The following MTREX variants were observed in gnomAD, a reference collection of about 807,000 sequenced individuals.
The protein encoded by MTREX is Mtr4 exosome RNA helicase.
In MTREX, 76 loss-of-function variants were observed where a neutral mutation model predicts 135.4. The observed-to-expected ratio is 0.56, with a 90% confidence interval of 0.47 to 0.68. MTREX has a LOEUF of 0.68. MTREX is among the 30% of genes least tolerant of loss of function. The pLI, the probability that MTREX is intolerant of heterozygous loss-of-function variation, is 0.00. For synonymous variants in MTREX, 404 were observed against 401.6 expected, an observed-to-expected ratio of 1.01 and a Z score of -0.07; for missense variants, 920 against 1,262.1, an observed-to-expected ratio of 0.73 and a Z score of 4.11.
At chr5:55,329,318 A>C (rs1446279814) in intron 5 of MTREX, 3 of 151,420 alleles carry the variant, frequency 2.0e-5, no homozygotes. Flanking sequence ...AGCGTGCACC[A>C]TCACACCTGG....
chr5:55,423,858 C>T (rs1751098134), intron 26 of MTREX: 1 of 152,192 alleles, frequency 6.6e-6, no homozygotes, highest in African/African-American at 2.4e-5. Flanking sequence ...CTGCAAACAA[C>T]TTAGTGTCCT....
At chr5:55,364,764 T>C (rs1350023213) in intron 15 of MTREX, among the ~76,000 whole-genome samples, 1 of 152,074 alleles carries the variant, frequency 6.6e-6, no homozygotes, top group Non-Finnish European at 1.5e-5. Context: ...ATTGAGTAAA[T>C]AGTCTGCAAT....
chr5:55,392,534 C>A (rs1750586315), intron 19 of MTREX, among the ~76,000 whole-genome samples: 2 of 110,974 alleles, frequency 1.8e-5, no homozygotes, highest in African/African-American at 7.6e-5. Flanking sequence ...CAGAGAAGGG[C>A]TCTGTCTAAA....
At chr5:55,391,275 G>T (rs775358490) in intron 19 of MTREX, among the ~76,000 whole-genome samples, 1 of 151,830 alleles carries the variant, frequency 6.6e-6, no homozygotes, top group African/African-American at 2.4e-5. Flanking sequence ...AACCCTGTCT[G>T]TACAAAAATA....
chr5:55,373,116 ATTTC>A (rs1163639384), intron 16 of MTREX, among the ~76,000 whole-genome samples: 1 of 139,168 alleles, frequency 7.2e-6, no homozygotes, highest in African/African-American at 2.7e-5. Context: ...TTTTATTTTT[ATTTC>A]TTTTTTTTTT....
intron 11 of MTREX, among the ~76,000 whole-genome samples, chr5:55,349,214 T>C (rs1222663510): frequency 1.4e-5 from 2 of 143,818 alleles, no homozygotes; most frequent in Non-Finnish European, 3.0e-5. Context: ...TGAGATGGGG[T>C]CTCACTCTGT....
chr5:55,423,145 A>G (rs1751081907), intron 26 of MTREX, 163 bp downstream of exon 26: 2 of 605,012 alleles, frequency 3.3e-6, no homozygotes, highest in East Asian at 2.8e-5. Flanking sequence ...TGTTGGGGGA[A>G]AAGTTGAGAT....
intron 19 of MTREX, among the ~76,000 whole-genome samples, chr5:55,395,336 G>A (rs886140511): frequency 6.6e-6 from 1 of 151,944 alleles, no homozygotes; most frequent in Non-Finnish European, 1.5e-5. Flanking sequence ...AACCCGGGAG[G>A]TAGAGATTTC....
intron 25 of MTREX, among the ~76,000 whole-genome samples, chr5:55,419,877 T>C (rs770857848): frequency 1.3e-5 from 2 of 152,082 alleles, no homozygotes; most frequent in Non-Finnish European, 2.9e-5. Flanking sequence ...CCACACACAT[T>C]CTCTCACATG....
intron 14 of MTREX, among the ~76,000 whole-genome samples, chr5:55,353,512 G>T (rs1223473212): frequency 6.6e-6 from 1 of 152,080 alleles, no homozygotes; most frequent in African/African-American, 2.4e-5. Context: ...AGACCAGCCT[G>T]GGCAACATAG....
chr5:55,327,033 A>G (rs1349359530), intron 3 of MTREX, among the ~76,000 whole-genome samples: 2 of 152,154 alleles, frequency 1.3e-5, no homozygotes, highest in African/African-American at 2.4e-5. Context: ...GAACTCATCA[A>G]CTTTTATGGC....
intron 1 of MTREX, among the ~76,000 whole-genome samples, chr5:55,321,860 G>A (rs191220105): frequency 8.6e-5 from 13 of 151,992 alleles, no homozygotes; most frequent in Admixed American, 5.2e-4. Context: ...CATCCACCTC[G>A]GCCTCCCAAA....
rs1327510591 is a variant in MTREX at position 55,345,129 on chromosome 5, G to A, written c.1041G>A (p.Met347Ile). 3 of 1,613,508 alleles carry A rather than the reference G, an allele frequency of 1.9e-6. No individual in the cohort carries two copies. Among genetic ancestry groups the A allele is most frequent in the Non-Finnish European group, 1.7e-6 (2 of 1,179,766 alleles). ...GAGAAGATAATTTTAATACTGCAAT[G>A]CAAGTGCTTCGAGATGCAGGTGATT... The part of the protein sequence containing the change: ...DFREDNFNTA[M>I]QVLRDAGDLA... Residue 347 changes from methionine to isoleucine, a missense_variant, in exon 10 of 27, where the codon ATG becomes ATA. Physicochemically the swap from Met to Ile is conservative, Grantham distance 10. This residue lies in a region of MTREX where 88 missense variants were observed against 202.5 expected (regional missense o/e 0.43). Transcript: ENST00000230640.
chr5:55,313,928 T>A (rs1040009549), intron 1 of MTREX, among the ~76,000 whole-genome samples: 1 of 152,198 alleles, frequency 6.6e-6, no homozygotes, highest in Non-Finnish European at 1.5e-5. Context: ...AAACTGTTCA[T>A]CTTTTTTTAC....
At chr5:55,355,839 G>A (rs1226309678) in intron 14 of MTREX, among the ~76,000 whole-genome samples, 1 of 152,234 alleles carries the variant, frequency 6.6e-6, no homozygotes, top group Non-Finnish European at 1.5e-5. Flanking sequence ...GCCTTGGAAT[G>A]TAGAGAGTCA....
At chr5:55,319,026 TC>T (rs1288584163) in intron 1 of MTREX, among the ~76,000 whole-genome samples, 1 of 152,168 alleles carries the variant, frequency 6.6e-6, no homozygotes, top group South Asian at 2.1e-4. Flanking sequence ...TACTTTATCC[TC>T]CCTTCCTCTT....
rs35613584 is a variant in MTREX, at chr5:55,333,846, T to C, written c.515+5035T>C. Among the ~76,000 whole-genome samples the C allele has an allele frequency of 9.5e-4, 145 of 152,288 alleles. 1 individual carries two copies. Among genetic ancestry groups the C allele is most frequent in the Non-Finnish European group, 1.9e-3 (126 of 67,982 alleles). ...TCATATGACCCAGCATTTCTACTCC[T>C]AGATTTGTACCCCCAAAGAATTGAT... On this transcript the variant is annotated intron_variant, in intron 5 of 26. Transcript: ENST00000230640.
At chr5:55,318,410 A>G (rs1198287070) in intron 1 of MTREX, among the ~76,000 whole-genome samples, 2 of 152,242 alleles carry the variant, frequency 1.3e-5, no homozygotes, top group South Asian at 2.1e-4. Flanking sequence ...AAAATGTGGT[A>G]CGTATACACC....
At chr5:55,342,982 A>G (rs1359448735) in intron 7 of MTREX, among the ~76,000 whole-genome samples, 3 of 148,488 alleles carry the variant, frequency 2.0e-5, no homozygotes, top group Non-Finnish European at 4.5e-5. Flanking sequence ...ATGTGTTGCT[A>G]TAACTTTCTA....
Sources: allele counts gnomAD v4.1 joint callset (sites outside exome capture counted in the v4.1 genomes callset), GRCh38; gene constraint gnomAD v4.1.1; regional missense constraint gnomAD v4.1.1; transcripts MANE v1.5; gene names NCBI Gene and HGNC (gene_info 2026-07-23, HGNC 2026-07-21).